HS3ST4: variants seen among roughly 807,000 people sequenced by gnomAD.
HS3ST4 encodes the protein heparan sulfate-glucosamine 3-sulfotransferase 4.
A neutral mutation model predicts 29.2 loss-of-function variants in HS3ST4; 17 were observed. That is an observed-to-expected ratio of 0.58 (90% CI 0.40 to 0.87). The LOEUF is 0.87. Ranked by LOEUF, HS3ST4 falls within the 40% of genes least tolerant of loss-of-function variation. HS3ST4 has a pLI of 0.00. For synonymous variants in HS3ST4, 314 were observed against 285.7 expected, an observed-to-expected ratio of 1.10 and a Z score of -1.00; for missense variants, 627 against 634.5, an observed-to-expected ratio of 0.99 and a Z score of 0.13.
intron 1 of HS3ST4, among the ~76,000 whole-genome samples, chr16:25,755,070 A>G (rs1208956749): frequency 1.3e-5 from 2 of 151,810 alleles, no homozygotes; most frequent in African/African-American, 2.4e-5. Context: ...TCAGCCTACT[A>G]TCCATCCATT....
At chr16:26,117,787 T>C (rs577545099) in intron 1 of HS3ST4, among the ~76,000 whole-genome samples, 1 of 152,316 alleles carries the variant, frequency 6.6e-6, no homozygotes, top group East Asian at 1.9e-4. Context: ...GAAGGAGCCA[T>C]TTATTAATCA....
intron 1 of HS3ST4, among the ~76,000 whole-genome samples, chr16:25,869,322 T>C (rs62036318): frequency 0.13 from 19,805 of 152,004 alleles, 1,646 homozygotes; most frequent in Middle Eastern, 0.27. Context: ...AAGGACAGGT[T>C]GTGACGACTT....
intron 1 of HS3ST4, among the ~76,000 whole-genome samples, chr16:25,782,955 C>G (rs147926832): frequency 6.6e-6 from 1 of 152,142 alleles, no homozygotes. Flanking sequence ...GGTCTTGGGT[C>G]TCTTGTCAAA....
chr16:25,817,079 C>T (rs1967099971), intron 1 of HS3ST4, among the ~76,000 whole-genome samples: 1 of 152,222 alleles, frequency 6.6e-6, no homozygotes, highest in African/African-American at 2.4e-5. Context: ...AGCTGCATTG[C>T]ATTTCAAAGC....
chr16:25,768,062 G>A (rs1007273714), intron 1 of HS3ST4, among the ~76,000 whole-genome samples: 7 of 152,122 alleles, frequency 4.6e-5, no homozygotes, highest in South Asian at 4.2e-4. Context: ...AGGGGAGTGC[G>A]GGGGAGCAGA....
chr16:26,069,148 C>T lies in HS3ST4; in HGVS notation c.735-66464C>T, dbSNP rs564027665. Among the ~76,000 whole-genome samples the T allele has an allele frequency of 3.3e-4, 50 of 152,230 alleles. No individual in the cohort carries two copies. In the East Asian group the frequency reaches 4.3e-3, roughly 13 times the overall value. On this transcript the variant is annotated intron_variant, in intron 1 of 1. Transcript: ENST00000331351. ...TGCATTTTTTGTAGAGACAGAGTTT[C>T]GCCATGTTGCCCAGACTGGTCTCAA...
intron 1 of HS3ST4, among the ~76,000 whole-genome samples, chr16:25,821,469 A>G (rs1203930277): frequency 6.6e-6 from 1 of 152,140 alleles, no homozygotes; most frequent in African/African-American, 2.4e-5. Flanking sequence ...TTCTTCACAT[A>G]GTAATATTCC....
chr16:25,880,893 C>T (rs765886217), intron 1 of HS3ST4, among the ~76,000 whole-genome samples: 3 of 152,122 alleles, frequency 2.0e-5, no homozygotes, highest in Non-Finnish European at 4.4e-5. Context: ...TGGGGTAGTT[C>T]AGTGGTTTTG....
At chr16:25,890,758 A>G (rs1185447219) in intron 1 of HS3ST4, among the ~76,000 whole-genome samples, 1 of 152,236 alleles carries the variant, frequency 6.6e-6, no homozygotes, top group Non-Finnish European at 1.5e-5. Flanking sequence ...TAATAGGGTC[A>G]ATATTGTTAA....
At chr16:25,984,270 T>C (rs8052281) in intron 1 of HS3ST4, among the ~76,000 whole-genome samples, 3,124 of 152,220 alleles carry the variant, frequency 0.021, 126 homozygotes, top group African/African-American at 0.072. Context: ...TGGCCAGGGA[T>C]GGGGGACGGT....
intron 1 of HS3ST4, among the ~76,000 whole-genome samples, chr16:25,855,069 T>G (rs531383537): frequency 1.3e-5 from 2 of 152,162 alleles, no homozygotes; most frequent in Non-Finnish European, 2.9e-5. Flanking sequence ...GTGGGATCTC[T>G]CAAATGGGTC....
At chr16:25,763,527 G>T (rs1035389209) in intron 1 of HS3ST4, among the ~76,000 whole-genome samples, 1 of 152,176 alleles carries the variant, frequency 6.6e-6, no homozygotes, top group Non-Finnish European at 1.5e-5. Context: ...GCACTGTGAT[G>T]GGTGCTGGGA....
intron 1 of HS3ST4, among the ~76,000 whole-genome samples, chr16:25,733,253 C>T (rs187560916): frequency 5.3e-5 from 8 of 152,222 alleles, no homozygotes; most frequent in African/African-American, 1.7e-4. Flanking sequence ...TATTATTTAT[C>T]GGAATAATCT....
intron 1 of HS3ST4, among the ~76,000 whole-genome samples, chr16:26,127,752 G>A (rs1899364359): frequency 6.6e-6 from 1 of 152,150 alleles, no homozygotes; most frequent in African/African-American, 2.4e-5. Context: ...TTCTCAGCCT[G>A]CTTTGGTAGG....
chr16:26,026,100 G>A (rs1969469605), intron 1 of HS3ST4, among the ~76,000 whole-genome samples: 1 of 151,236 alleles, frequency 6.6e-6, no homozygotes, highest in Admixed American at 6.6e-5. Context: ...GTACAGACAG[G>A]GTTTTACCAT....
chr16:26,054,328 A>C (rs574772829), intron 1 of HS3ST4, among the ~76,000 whole-genome samples: 2 of 140,918 alleles, frequency 1.4e-5, no homozygotes, highest in South Asian at 4.2e-4. Context: ...AAGAAGAAGA[A>C]GAGAAGAAGA....
At chr16:26,107,321 A>G (rs1899070561) in intron 1 of HS3ST4, among the ~76,000 whole-genome samples, 1 of 151,526 alleles carries the variant, frequency 6.6e-6, no homozygotes, top group African/African-American at 2.4e-5. Flanking sequence ...ATATATATAT[A>G]AAATGCCATT....
At chr16:25,838,683 CTT>C (rs775138416) in intron 1 of HS3ST4, among the ~76,000 whole-genome samples, 8 of 152,164 alleles carry the variant, frequency 5.3e-5, no homozygotes, top group Non-Finnish European at 8.8e-5. Context: ...CCCGCCCACT[CTT>C]GAGATCTATA....
chr16:26,022,069 C>A (rs760513642), intron 1 of HS3ST4, among the ~76,000 whole-genome samples: 38 of 151,806 alleles, frequency 2.5e-4, no homozygotes, highest in Non-Finnish European at 4.7e-4. Flanking sequence ...CTCCAGTGAT[C>A]TTCCTGCCTC....
Sources: gnomAD v4.1 joint callset for allele counts (sites outside exome capture counted in the v4.1 genomes callset) on GRCh38, gnomAD v4.1.1 for gene constraint, MANE v1.5 for transcripts, NCBI Gene and HGNC (gene_info 2026-07-23, HGNC 2026-07-21) for gene names.